Variants in DYSF observed in about 807,000 individuals in gnomAD.
The protein encoded by DYSF is dysferlin, also known as dystrophy-associated fer-1-like 1.
A neutral mutation model predicts 274.9 loss-of-function variants in DYSF; 212 were observed. That is an observed-to-expected ratio of 0.77 (90% CI 0.69 to 0.86). DYSF has a LOEUF of 0.86. DYSF is among the 40% of genes least tolerant of loss of function. The pLI, the probability that DYSF is intolerant of heterozygous loss-of-function variation, is 0.00. For missense variants in DYSF, 2,666 were observed against 2,783.2 expected, an observed-to-expected ratio of 0.96 and a Z score of 0.95; for synonymous variants, 1,091 against 1,078.7, an observed-to-expected ratio of 1.01 and a Z score of -0.22.
chr2:71,517,053 T>C lies in DYSF; in HGVS notation c.1002+14T>C, dbSNP rs1486233924. 9 of 1,613,706 alleles carry C rather than the reference T, an allele frequency of 5.6e-6. No homozygotes were observed. Among genetic ancestry groups the C allele is most frequent in the Non-Finnish European group, 7.6e-6 (9 of 1,179,718 alleles). On this transcript the variant is annotated intron_variant, in intron 10 of 55. Coordinates refer to ENST00000410020, the MANE Select transcript of DYSF (RefSeq NM_001130987.2). ...GGGGAGTTCCGGGTAATTGCTTATT[T>C]TCTATGAAAGCAGTCAGTTCTCACT...
upstream of DYSF, chr2:71,466,656 G>T: frequency 7.6e-7 from 1 of 1,316,086 alleles, no homozygotes; most frequent in East Asian, 3.0e-5. Flanking sequence ...TCCGCCCAGC[G>T]GGTGTCCGGT....
chr2:71,481,722 C>CCATCCATCCATCCATACATT (rs1553508732), intron 2 of DYSF, among the ~76,000 whole-genome samples, 157 bp from the exon 3 acceptor site: 2 of 151,842 alleles, frequency 1.3e-5, no homozygotes, highest in African/African-American at 4.8e-5. Flanking sequence ...ATCCATCCAT[C>CCATCCATCCATCCATACATT]CATCCATGCT....
intron 30 of DYSF, among the ~76,000 whole-genome samples, chr2:71,587,155 G>C (rs779947302): frequency 5.3e-5 from 8 of 152,200 alleles, no homozygotes; most frequent in Non-Finnish European, 7.3e-5. Context: ...CTGCAGCCAG[G>C]GGGGTGTTCT....
chr2:71,516,111 G>T (rs187954641), intron 8 of DYSF, 69 bp from the exon 9 acceptor site: 30 of 1,484,892 alleles, frequency 2.0e-5, no homozygotes, highest in Admixed American at 3.3e-5. Context: ...TGGGGGTGGT[G>T]GTCCTCCCTC....
rs776969552 is a variant in DYSF at position 71,570,324 on chromosome 2, C to T, written c.3075C>T (p.Val1025=). 15 of 1,613,960 alleles carry T rather than the reference C, an allele frequency of 9.3e-6. No homozygotes were observed. Among genetic ancestry groups the T allele is most frequent in the Admixed American group, 1.7e-5 (1 of 60,022 alleles). The change falls in exon 28 of 56, where the codon GTC becomes GTT. Residue 1025 remains valine (V), a synonymous_variant. Coordinates refer to ENST00000410020, the MANE Select transcript of DYSF (RefSeq NM_001130987.2). ...GGTCCACAGACCTCAACCGGGCTGT[C>T]GATGAGCAAGGTGGGCAGCATGTGG... The part of the protein sequence containing the change: ...EEWSTDLNRA[V]DEQGWEYSIT...
intron 1 of DYSF, among the ~76,000 whole-genome samples, chr2:71,457,609 G>T (rs866408833): frequency 6.6e-6 from 1 of 152,174 alleles, no homozygotes; most frequent in African/African-American, 2.4e-5. Context: ...CCCAAGCACA[G>T]ACATCCTCAG....
chr2:71,681,485 G>A (rs572431490), intron 54 of DYSF, among the ~76,000 whole-genome samples: 2 of 152,360 alleles, frequency 1.3e-5, no homozygotes, highest in Admixed American at 6.5e-5. Context: ...GGACAGTGGT[G>A]AAGCAGAAAT....
rs1288867889 is a variant in DYSF at position 71,682,554 on chromosome 2, G to C, written c.6198G>C (p.Trp2066Cys). The change falls in exon 55 of 56, where the codon TGG (tryptophan) becomes TGC (cysteine). Residue 2066 changes from tryptophan (W) to cysteine (C), a missense_variant. Coordinates refer to ENST00000410020, the MANE Select transcript of DYSF (RefSeq NM_001130987.2). The stretch of plus-strand genomic sequence containing the variant: ...GGCGCCCCGACACCTCCTTCCTGTG[G>C]TTTACCTCCCCATACAAGACCATGA... ...DPRRPDTSFL[W>C]FTSPYKTMKF... is the part of the protein sequence containing the mutation. The C allele has an allele frequency of 6.2e-7, 1 of 1,613,940 alleles. No individual in the cohort carries two copies. The highest frequency in any genetic ancestry group is 8.5e-7 in the Non-Finnish European group (1 of 1,180,020).
At chr2:71,672,444 A>G (rs1346967523) in intron 51 of DYSF, among the ~76,000 whole-genome samples, 2 of 152,186 alleles carry the variant, frequency 1.3e-5, no homozygotes, top group Non-Finnish European at 2.9e-5. Flanking sequence ...CCCATTAACC[A>G]GACGAGACTG....
At chr2:71,581,972 A>G (rs549205682) in intron 30 of DYSF, among the ~76,000 whole-genome samples, 2 of 152,166 alleles carry the variant, frequency 1.3e-5, no homozygotes, top group South Asian at 2.1e-4. Context: ...GTGAAACCCC[A>G]TCTCTGCTAA....
At chr2:71,526,421 C>CGGGGTGGGGGGGGGGGGGGTTGGGG in intron 13 of DYSF, 75 bp downstream of exon 13, 1 of 272,072 alleles carries the variant, frequency 3.7e-6, no homozygotes, top group Non-Finnish European at 6.7e-6. Context: ...TGGGCGATGG[C>CGGGGTGGGGGGGGGGGGGGTTGGGG]GGGCGGGGTC....
chr2:71,462,215 G>T (rs559435318), upstream of DYSF, among the ~76,000 whole-genome samples: 1 of 152,230 alleles, frequency 6.6e-6, no homozygotes, highest in Non-Finnish European at 1.5e-5. Flanking sequence ...GCAGGGTCCA[G>T]CCACTGCGCA....
intron 28 of DYSF, 26 bp from the exon 29 acceptor site, chr2:71,570,573 T>A: frequency 1.2e-6 from 2 of 1,612,270 alleles, no homozygotes; most frequent in Non-Finnish European, 1.7e-6. Context: ...TGCCAAGCAA[T>A]GAGTGACCGG....
chr2:71,640,424 G>T (rs1274755152), intron 41 of DYSF, among the ~76,000 whole-genome samples: 1 of 151,904 alleles, frequency 6.6e-6, no homozygotes, highest in Non-Finnish European at 1.5e-5. Flanking sequence ...TTTTTTAAAG[G>T]GTCAGATAGT....
At chr2:71,530,610 G>A (rs562343416) in intron 14 of DYSF, among the ~76,000 whole-genome samples, 2 of 152,306 alleles carry the variant, frequency 1.3e-5, no homozygotes, top group African/African-American at 4.8e-5. Flanking sequence ...TCTAGAAGGA[G>A]GTGGAGGGAG....
At chr2:71,674,383 G>A (rs146642871) in intron 52 of DYSF, 87 bp downstream of exon 52, 1 of 1,337,330 alleles carries the variant, frequency 7.5e-7, no homozygotes, top group African/African-American at 1.4e-5. Flanking sequence ...TGGACCCTTG[G>A]GGAAGCCTAG....
Position 71,539,220 on chromosome 2 carries a change from C to G in DYSF, c.1557C>G (p.Ala519=). The change falls in exon 17 of 56, where the codon GCC becomes GCG. Residue 519 remains alanine (A), a synonymous_variant. Transcript: ENST00000410020. ...ACCTGAGTATGTCGAAAATCTCTGC[C>G]CCTGGAGGAGAAATAGAAGGTATGT... ...TTYLSMSKIS[A]PGGEIEVDDY... The G allele has an allele frequency of 1.2e-6, 2 of 1,614,044 alleles. No individual in the cohort carries two copies. The highest frequency in any genetic ancestry group is 1.7e-6 in the Non-Finnish European group (2 of 1,179,984).
chr2:71,523,925 G>A (rs561858430), intron 12 of DYSF, among the ~76,000 whole-genome samples: 89 of 152,234 alleles, frequency 5.8e-4, no homozygotes, highest in African/African-American at 2.0e-3. Flanking sequence ...ACTGCTTTTA[G>A]GATAGAGTCC....
intron 55 of DYSF, among the ~76,000 whole-genome samples, chr2:71,684,239 A>C (rs145491973): frequency 1.9e-3 from 283 of 152,276 alleles, no homozygotes; most frequent in African/African-American, 6.4e-3. Context: ...ATATAAGCTG[A>C]GATACAGGAC....
Sources: allele counts gnomAD v4.1 joint callset (sites outside exome capture counted in the v4.1 genomes callset), GRCh38; gene constraint gnomAD v4.1.1; transcripts MANE v1.5; gene names NCBI Gene and HGNC (gene_info 2026-07-23, HGNC 2026-07-21).